The following ENDOD1 variants were observed in gnomAD, a reference collection of about 807,000 sequenced individuals.
The protein encoded by ENDOD1 is endonuclease domain containing 1, also known as endonuclease domain-containing 1 protein.
ENDOD1 carries 9 observed loss-of-function variants against 6.5 expected under a neutral mutation model. That is an observed-to-expected ratio of 1.39 (90% CI 0.84 to 2.43). The LOEUF (loss-of-function observed/expected upper bound fraction) is 2.43. ENDOD1 is among the 30% of genes most tolerant of loss of function. ENDOD1 has a pLI of 0.00. For missense variants in ENDOD1, 648 were observed against 635.5 expected (o/e 1.02, Z -0.21); for synonymous variants, 255 against 255.2 (o/e 1.00, Z 0.01).
At chr11:95,113,666 T>A (rs1403589841) in intron 1 of ENDOD1, among the ~76,000 whole-genome samples, 1 of 152,188 alleles carries the variant, frequency 6.6e-6, no homozygotes, top group Non-Finnish European at 1.5e-5. Flanking sequence ...ACACTTAGGT[T>A]GTTTCAAAAT....
intron 1 of ENDOD1, among the ~76,000 whole-genome samples, chr11:95,117,247 A>G (rs1555112566): frequency 6.6e-6 from 1 of 152,202 alleles, no homozygotes; most frequent in African/African-American, 2.4e-5. Context: ...TGTCTCTACC[A>G]AAAATACAAA....
At chr11:95,123,139 A>G (rs1212422321) in intron 1 of ENDOD1, among the ~76,000 whole-genome samples, 1 of 151,938 alleles carries the variant, frequency 6.6e-6, no homozygotes, top group Non-Finnish European at 1.5e-5. Context: ...CAGTGAGCCA[A>G]TATCAGGCCA....
At chr11:95,123,588 C>CA (rs71930134) in intron 1 of ENDOD1, among the ~76,000 whole-genome samples, 5,302 of 134,932 alleles carry the variant, frequency 0.039, 146 homozygotes, top group Non-Finnish European at 0.051. Context: ...GTATAAATAC[C>CA]AAAAAAAAAA....
Position 95,129,709 on chromosome 11 carries a change from T to G in ENDOD1, c.*130T>G, listed in dbSNP as rs1211938106. On this transcript the variant is annotated 3_prime_UTR_variant, in exon 2 of 2. Coordinates refer to ENST00000278505, the MANE Select transcript of ENDOD1 (RefSeq NM_015036.3). ...TTTGGTGGGGATGTCTGCTTGTTTT[T>G]GCAAAAGAAGATGGCAGAATTTAGA... The G allele has an allele frequency of 4.0e-6, 4 of 1,008,852 alleles. No homozygotes were observed. Among genetic ancestry groups the G allele is most frequent in the African/African-American group, 3.2e-5 (2 of 61,858 alleles). The allele number at this position is 1,008,852 out of a possible 1,614,324, so 62.5% of individuals were successfully genotyped here. A position where few individuals can be genotyped will look rare whatever the true frequency, so the allele number is the denominator to read the frequency against.
chr11:95,114,377 A>G (rs1859182203), intron 1 of ENDOD1, among the ~76,000 whole-genome samples: 1 of 152,034 alleles, frequency 6.6e-6, no homozygotes, highest in Non-Finnish European at 1.5e-5. Context: ...AGTTGTTTGA[A>G]CTTCTTATAT....
intron 1 of ENDOD1, among the ~76,000 whole-genome samples, chr11:95,090,925 G>A: frequency 6.6e-6 from 1 of 152,146 alleles, no homozygotes; most frequent in Non-Finnish European, 1.5e-5. Context: ...ACGCAATGGG[G>A]TAGTTAAAAA....
intron 1 of ENDOD1, among the ~76,000 whole-genome samples, chr11:95,090,477 AG>A: frequency 6.6e-6 from 1 of 151,936 alleles, no homozygotes; most frequent in Non-Finnish European, 1.5e-5. Context: ...GCAGGGCGGG[AG>A]GTCCCCTGTG....
intron 1 of ENDOD1, among the ~76,000 whole-genome samples, chr11:95,092,360 G>C (rs1379352998): frequency 1.3e-5 from 2 of 152,154 alleles, no homozygotes; most frequent in African/African-American, 2.4e-5. Flanking sequence ...CATTTATGCA[G>C]CTAGGGAAGG....
At chr11:95,098,356 CACAAA>C (rs544665749) in intron 1 of ENDOD1, among the ~76,000 whole-genome samples, 63 of 152,220 alleles carry the variant, frequency 4.1e-4, no homozygotes, top group African/African-American at 1.4e-3. Context: ...TTAATACGCA[CACAAA>C]ACAAACAAAA....
chr11:95,107,667 T>G (rs1859103060), intron 1 of ENDOD1, among the ~76,000 whole-genome samples: 1 of 152,038 alleles, frequency 6.6e-6, no homozygotes, highest in African/African-American at 2.4e-5. Flanking sequence ...GCACACTTTT[T>G]TTTGTTTGTT....
intron 1 of ENDOD1, among the ~76,000 whole-genome samples, chr11:95,105,207 A>T (rs555474112): frequency 2.0e-5 from 3 of 152,278 alleles, no homozygotes; most frequent in Non-Finnish European, 4.4e-5. Context: ...AGGAAACTAC[A>T]GTTGTTTCTT....
At position 95,129,060 on chromosome 11, in the gene ENDOD1, G is replaced by C. The variant is rs1591022331; in HGVS notation, c.984G>C (p.Leu328Phe). The change falls in exon 2 of 2, where the codon TTG becomes TTC. Residue 328 changes from leucine (L) to phenylalanine (F), a missense_variant. By Grantham distance (22) the Leu-to-Phe change is conservative. Coordinates refer to ENST00000278505, the MANE Select transcript of ENDOD1 (RefSeq NM_015036.3). ...PEASEGSSSFLGKLMGFIATP... is the reference protein window; with the variant it reads ...PEASEGSSSFFGKLMGFIATP... ...CATCTGAGGGAAGTAGTAGCTTTTT[G>C]GGAAAACTCATGGGCTTCATTGCTA... 6.2e-7 allele frequency: 1 copy of C among 1,613,856 alleles called. No individual in the cohort carries two copies. The highest frequency in any genetic ancestry group is 8.5e-7 in the Non-Finnish European group (1 of 1,179,982).
At chr11:95,091,968 C>A (rs115081911) in intron 1 of ENDOD1, among the ~76,000 whole-genome samples, 1,659 of 152,196 alleles carry the variant, frequency 0.011, 33 homozygotes, top group African/African-American at 0.038. Flanking sequence ...AGGTGTGTGA[C>A]ACATGAGTAC....
At chr11:95,091,350 C>T (rs1293539091) in intron 1 of ENDOD1, among the ~76,000 whole-genome samples, 3 of 152,200 alleles carry the variant, frequency 2.0e-5, no homozygotes, top group African/African-American at 7.2e-5. Context: ...ATTTCTAGCT[C>T]TGAGGTCTTG....
rs374238913 is a variant in ENDOD1, at chr11:95,090,056, G to A, written c.129G>A (p.Pro43=). 34 of 1,602,476 alleles carry A rather than the reference G, an allele frequency of 2.1e-5. No homozygotes were observed. Among genetic ancestry groups the A allele is most frequent in the Middle Eastern group, 3.3e-4 (2 of 6,050 alleles). The change falls in exon 1 of 2, where the codon CCG becomes CCA. Residue 43 remains proline (P), a synonymous_variant. Coordinates refer to ENST00000278505, the MANE Select transcript of ENDOD1 (RefSeq NM_015036.3). ...ACAAGTTCTTCTACGCCGGGACCCC[G>A]CCTGCGGGGCTGGCGGCCGATTCCC... ...ECDKFFYAGT[P]PAGLAADSHV...
intron 1 of ENDOD1, among the ~76,000 whole-genome samples, chr11:95,111,617 A>G (rs1181934656): frequency 6.6e-6 from 1 of 151,990 alleles, no homozygotes; most frequent in Non-Finnish European, 1.5e-5. Context: ...GCAGTTCACA[A>G]TAAGGTTTGC....
chr11:95,113,639 T>C (rs564188805), intron 1 of ENDOD1, among the ~76,000 whole-genome samples: 1 of 148,012 alleles, frequency 6.8e-6, no homozygotes, highest in South Asian at 2.1e-4. Flanking sequence ...ACATTTTCTT[T>C]ATTCATCTGT....
At chr11:95,112,404 A>G (rs782194595) in intron 1 of ENDOD1, among the ~76,000 whole-genome samples, 15 of 152,188 alleles carry the variant, frequency 9.9e-5, no homozygotes, top group Non-Finnish European at 1.9e-4. Context: ...ATGACTTTGT[A>G]CCTGCCATTC....
chr11:95,117,555 G>A (rs980017677), intron 1 of ENDOD1, among the ~76,000 whole-genome samples: 1 of 152,124 alleles, frequency 6.6e-6, no homozygotes, highest in Non-Finnish European at 1.5e-5. Context: ...CCTGAAATCT[G>A]TGTTGTCTGA....
Sources: allele counts gnomAD v4.1 joint callset (sites outside exome capture counted in the v4.1 genomes callset), GRCh38; gene constraint gnomAD v4.1.1; transcripts MANE v1.5; gene names NCBI Gene and HGNC (gene_info 2026-07-23, HGNC 2026-07-21).